Variants in DVL2 observed in about 807,000 individuals in gnomAD.
DVL2 encodes dishevelled segment polarity protein 2.
DVL2 carries 38 observed loss-of-function variants against 69.8 expected under a neutral mutation model. The ratio of observed to expected loss-of-function variants is 0.54; its 90% CI spans 0.42 to 0.71. The LOEUF is 0.71. Among genes scored for constraint, DVL2 ranks in the 30% least tolerant of loss-of-function variants. DVL2 has a pLI of 0.00. For missense variants in DVL2, 931 were observed against 1,008.1 expected (o/e 0.92, Z 1.04); for synonymous variants, 428 against 392.4 (o/e 1.09, Z -1.07).
Position 7,230,322 on chromosome 17 carries a change from T to A in DVL2, c.373A>T (p.Thr125Ser). Residue 125 changes from threonine to serine, a missense_variant, in exon 3 of 15, where the codon ACC (threonine) becomes TCC (serine). Physicochemically the swap from Thr to Ser is moderately conservative, Grantham distance 58. This residue lies in a region of DVL2 where 555 missense variants were observed against 588.8 expected (regional missense o/e 0.94). Coordinates refer to ENST00000005340, the MANE Select transcript of DVL2 (RefSeq NM_004422.3). The stretch of plus-strand genomic sequence containing the variant: ...GGCCTTGAGTCCCCAATGCCGCTGG[T>A]CCTCTCGGGTGGCAAAGGAGGTAAA... ...PPLPPLPPER[T>S]SGIGDSRPPS... The A allele has an allele frequency of 6.2e-7, 1 of 1,613,946 alleles. No homozygotes were observed. The highest frequency in any genetic ancestry group is 8.5e-7 in the Non-Finnish European group (1 of 1,179,976).
At position 7,226,520 on chromosome 17, in the gene DVL2, A is replaced by G. The variant is rs1216256662; in HGVS notation, c.1663T>C (p.Tyr555His). ...WPLLPTFSYQYPAPHPYSPQP... is the reference protein window; with the variant it reads ...WPLLPTFSYQHPAPHPYSPQP... ...GGGCTGTAGGGGTGTGGGGCAGGGT[A>G]TTGGTAGGAGAAAGTGGGCAGCAGG... is the stretch of plus-strand genomic sequence containing the variant. Residue 555 changes from tyrosine to histidine, a missense_variant, in exon 14 of 15, where the codon TAC becomes CAC. Around this residue, in one of 3 missense-constraint regions of DVL2, gnomAD observed 314 missense variants for 313.7 expected, o/e 1.00. Coordinates refer to ENST00000005340, the MANE Select transcript of DVL2 (RefSeq NM_004422.3). The G allele has an allele frequency of 6.2e-7, 1 of 1,607,422 alleles. No individual in the cohort carries two copies.
At chr17:7,232,812 G>A (rs539165794) in intron 1 of DVL2, among the ~76,000 whole-genome samples, 32 of 152,214 alleles carry the variant, frequency 2.1e-4, no homozygotes, top group African/African-American at 6.5e-4. Context: ...AGGTTGGGCC[G>A]GGCGCGGTGG....
Position 7,229,549 on chromosome 17 carries a change from C to T in DVL2, c.747+39G>A. On this transcript the variant is annotated intron_variant, in intron 6 of 14. Coordinates refer to ENST00000005340, the MANE Select transcript of DVL2 (RefSeq NM_004422.3). The surrounding 1 kb of genome is among the most constrained non-coding windows in gnomAD (Gnocchi z 4.4). ...CGCCCAAACCAAAGCCCATGCCCCA[C>T]CTTCTCCCAGCACCAGCCTTCCTGT... The T allele has an allele frequency of 1.2e-6, 2 of 1,600,440 alleles. No homozygotes were observed. The highest frequency in any genetic ancestry group is 8.5e-7 in the Non-Finnish European group (1 of 1,172,494).
chr17:7,234,503 T>G lies in DVL2; in HGVS notation c.-241A>C. Reference sequence around the variant, plus strand: ...CGCCACCGCCACCGACGCCGCGAGCTTCCTCCAGGTACCCGCCCACCTCTC... The same window carrying G: ...CGCCACCGCCACCGACGCCGCGAGCGTCCTCCAGGTACCCGCCCACCTCTC... On this transcript the variant is annotated 5_prime_UTR_variant, in exon 1 of 15. Transcript: ENST00000005340. The G allele has an allele frequency of 1.9e-6, 1 of 526,762 alleles. No homozygotes were observed. Among genetic ancestry groups the G allele is most frequent in the Non-Finnish European group, 3.3e-6 (1 of 302,922 alleles). 32.6% of individuals were successfully genotyped at this position (526,762 alleles called of 1,614,324 possible).
Position 7,227,548 on chromosome 17 carries a change from A to G in DVL2, c.1232-13T>C. 1 of 1,613,502 alleles carries G rather than the reference A, an allele frequency of 6.2e-7. No individual in the cohort carries two copies. On this transcript the variant is annotated splice_polypyrimidine_tract_variant and intron_variant, in intron 11 of 14. Coordinates refer to ENST00000005340, the MANE Select transcript of DVL2 (RefSeq NM_004422.3). ...CGGCCTTCACAGCCTGGCAGAGGAGACAACGGGTAACCAGAGTCAGGGATC... is the reference window on the plus strand; with the variant it reads ...CGGCCTTCACAGCCTGGCAGAGGAGGCAACGGGTAACCAGAGTCAGGGATC...
chr17:7,226,650 A>G lies in DVL2; in HGVS notation c.1544-11T>C. On this transcript the variant is annotated splice_polypyrimidine_tract_variant and intron_variant, in intron 13 of 14. Coordinates refer to ENST00000005340, the MANE Select transcript of DVL2 (RefSeq NM_004422.3). ...ACAGGTTGACTAGGTCTGGAAAGCA[A>G]GGGAAGAGAGGAAGAAATCACTGCT... 2 of 1,524,702 alleles carry G rather than the reference A, an allele frequency of 1.3e-6. No individual in the cohort carries two copies. Among genetic ancestry groups the G allele is most frequent in the South Asian group, 1.3e-5 (1 of 79,672 alleles). 94.4% of individuals were successfully genotyped at this position (1,524,702 alleles called of 1,614,324 possible). A position where few individuals can be genotyped will look rare whatever the true frequency, so the allele number is the denominator to read the frequency against.
At chr17:7,228,548 AT>A (rs1200171056) in intron 9 of DVL2, 1 of 192,322 alleles carries the variant, frequency 5.2e-6, no homozygotes, top group African/African-American at 2.4e-5. Flanking sequence ...TATGTCATGC[AT>A]TTGTTTCATG....
intron 10 of DVL2, 45 bp downstream of exon 10, chr17:7,227,932 C>G: frequency 6.4e-7 from 1 of 1,574,716 alleles, no homozygotes; most frequent in Non-Finnish European, 8.6e-7. Flanking sequence ...GCCTCCTGGG[C>G]AGCCCCCACC....
Position 7,229,777 on chromosome 17 carries a change from G to C in DVL2, c.656+31C>G, listed in dbSNP as rs571970085. Reference sequence around the variant, plus strand: ...TGACTGGAAGACGAGACGGGGCTGGGTGCGCTGGGGAGAGCTGTGCGGAGC... The same window carrying C: ...TGACTGGAAGACGAGACGGGGCTGGCTGCGCTGGGGAGAGCTGTGCGGAGC... On this transcript the variant is annotated intron_variant, in intron 5 of 14. Transcript: ENST00000005340. This position sits in a 1 kb window ranked among gnomAD's most constrained non-coding sequence, Gnocchi z 4.4. The C allele has an allele frequency of 3.1e-6, 5 of 1,596,122 alleles. No individual in the cohort carries two copies. In the South Asian group the frequency reaches 4.4e-5, roughly 14 times the overall value.
intron 9 of DVL2, 86 bp from the exon 10 acceptor site, chr17:7,228,130 G>C (rs1386741080): frequency 8.8e-7 from 1 of 1,136,022 alleles, no homozygotes; most frequent in East Asian, 2.4e-5. Context: ...TGGATTAAGA[G>C]ACACAAAGAG....
At position 7,227,957 on chromosome 17, in the gene DVL2, C is replaced by A; in HGVS notation, c.1102+20G>T. ...CAGCCCCCACCCCCAACTTCAGGCC[C>A]CTCCCTGAGTGTCACTCACTTCGGG... On this transcript the variant is annotated intron_variant, in intron 10 of 14. Coordinates refer to ENST00000005340, the MANE Select transcript of DVL2 (RefSeq NM_004422.3). The A allele has an allele frequency of 6.3e-7, 1 of 1,575,842 alleles. No homozygotes were observed. The highest frequency in any genetic ancestry group is 8.6e-7 in the Non-Finnish European group (1 of 1,160,370).
intron 13 of DVL2, 43 bp downstream of exon 13, chr17:7,227,047 G>A (rs1426853255): frequency 1.3e-6 from 2 of 1,564,066 alleles, no homozygotes; most frequent in Non-Finnish European, 8.7e-7. Flanking sequence ...GCAGAACAAG[G>A]TAGGCAAAGC....
In DVL2 at chr17:7,229,848, T is replaced by TA; in HGVS notation, c.615dup (p.Thr206TyrfsTer29). 9.9e-6 allele frequency: 16 copies of TA among 1,612,310 alleles called. No individual in the cohort carries two copies. The highest frequency in any genetic ancestry group is 1.3e-5 in the Non-Finnish European group (15 of 1,179,956). On this transcript the variant is annotated frameshift_variant, in exon 5 of 15. Transcript: ENST00000005340. LOFTEE classifies it high-confidence loss of function. The surrounding 1 kb of genome is among the most constrained non-coding windows in gnomAD (Gnocchi z 4.4). ...TCCTCGTCCGAGTCCCCCAGGCTGG[T>TA]ACTCTCCAGCTCGCTGGTCATGAGG... is the stretch of plus-strand genomic sequence containing the variant.
intron 1 of DVL2, among the ~76,000 whole-genome samples, chr17:7,231,210 T>G (rs1217757162): frequency 6.6e-6 from 1 of 152,070 alleles, no homozygotes; most frequent in East Asian, 1.9e-4. Flanking sequence ...ACACCTGTAA[T>G]CCCAGCACTT....
Position 7,226,231 on chromosome 17 carries a change from C to G in DVL2, c.1845G>C (p.Lys615Asn). The change falls in exon 15 of 15, where the codon AAG becomes AAC. Residue 615 changes from lysine (K) to asparagine (N), a missense_variant. Transcript: ENST00000005340. ...GRPEERAPES[K>N]SGSGSESEPS... The stretch of plus-strand genomic sequence containing the variant: ...GCTCAGACTCACTGCCACTGCCGGA[C>G]TTGGACTCGGGGGCCCGCTCCTCGG... The G allele has an allele frequency of 6.2e-7, 1 of 1,612,194 alleles. No homozygotes were observed. Among genetic ancestry groups the G allele is most frequent in the Non-Finnish European group, 8.5e-7 (1 of 1,179,710 alleles).
rs533533057 is a variant in DVL2, at chr17:7,228,073, C to T, written c.1035-29G>A. 1.6e-5 allele frequency: 25 copies of T among 1,516,662 alleles called. No individual in the cohort carries two copies. The East Asian group carries it at 4.8e-4, about 29-fold the overall frequency. The allele number at this position is 1,516,662 out of a possible 1,614,324, so 94.0% of individuals were successfully genotyped here. A position where few individuals can be genotyped will look rare whatever the true frequency, so the allele number is the denominator to read the frequency against. ...TGGGGAAGAGAAGTCCAGTCAAGGGCGCAGGGGAAGAGGAGGCCTCAGGAG... is the reference window on the plus strand; with the variant it reads ...TGGGGAAGAGAAGTCCAGTCAAGGGTGCAGGGGAAGAGGAGGCCTCAGGAG... On this transcript the variant is annotated intron_variant, in intron 9 of 14. Transcript: ENST00000005340.
chr17:7,228,954 T>G lies in DVL2; in HGVS notation c.1034+15A>C. The G allele has an allele frequency of 6.2e-7, 1 of 1,613,170 alleles. No individual in the cohort carries two copies. The highest frequency in any genetic ancestry group is 1.3e-5 in the African/African-American group (1 of 74,920). On this transcript the variant is annotated intron_variant, in intron 9 of 14. Transcript: ENST00000005340. ...AAAAGAGGACTGAGGACCGGCAACCTGCTTGGCAACTCACCCAGGCTTGTG... is the reference window on the plus strand; with the variant it reads ...AAAAGAGGACTGAGGACCGGCAACCGGCTTGGCAACTCACCCAGGCTTGTG...
In DVL2 at chr17:7,229,811, C is replaced by G; in HGVS notation, c.653G>C (p.Ser218Thr). Residue 218 changes from serine to threonine, a missense_variant, in exon 5 of 15, where the codon AGC becomes ACC. By Grantham distance (58) the Ser-to-Thr change is moderately conservative (BLOSUM62 1). Around this residue, in one of 3 missense-constraint regions of DVL2, gnomAD observed 555 missense variants for 588.8 expected, o/e 0.94. Transcript: ENST00000005340. The surrounding 1 kb of genome is among the most constrained non-coding windows in gnomAD (Gnocchi z 4.4). Reference protein sequence around the residue: ...LGDSDEEDTMSRFSSSTEQSS... With the variant: ...LGDSDEEDTMTRFSSSTEQSS... ...GGAGAGCTGTGCGGAGCCACACCTGCTCATGGTGTCCTCCTCGTCCGAGTC... is the reference window on the plus strand; with the variant it reads ...GGAGAGCTGTGCGGAGCCACACCTGGTCATGGTGTCCTCCTCGTCCGAGTC... 1 of 1,611,696 alleles carries G rather than the reference C, an allele frequency of 6.2e-7. No individual in the cohort carries two copies. Among genetic ancestry groups the G allele is most frequent in the Non-Finnish European group, 8.5e-7 (1 of 1,179,172 alleles).
intron 13 of DVL2, chr17:7,226,867 T>C (rs564789455): frequency 8.7e-5 from 52 of 595,768 alleles, no homozygotes; most frequent in Non-Finnish European, 1.4e-4. Context: ...GAGGTGCACC[T>C]TCCCCCGGTG....
Sources: allele counts gnomAD v4.1 joint callset (sites outside exome capture counted in the v4.1 genomes callset), GRCh38; gene constraint gnomAD v4.1.1; regional missense constraint gnomAD v4.1.1; non-coding constraint Gnocchi (gnomAD v3.1); transcripts MANE v1.5; gene names NCBI Gene and HGNC (gene_info 2026-07-23, HGNC 2026-07-21).